PRDM16: variants seen among roughly 807,000 people sequenced by gnomAD.
The protein encoded by PRDM16 is PR/SET domain 16.
Under a neutral mutation model 110.6 loss-of-function variants are expected in PRDM16, and 23 were observed. The observed-to-expected ratio is 0.21, with a 90% CI of 0.15 to 0.29. PRDM16 has a LOEUF of 0.29. PRDM16 is among the 10% of genes least tolerant of loss of function. PRDM16 has a pLI of 1.00. For missense variants in PRDM16, 1,615 were observed against 1,794.3 expected, an observed-to-expected ratio of 0.90 and a Z score of 1.81; for synonymous variants, 799 against 781.8, an observed-to-expected ratio of 1.02 and a Z score of -0.37.
chr1:3,216,082 T>G (rs1639025415), intron 2 of PRDM16, among the ~76,000 whole-genome samples: 1 of 152,088 alleles, frequency 6.6e-6, no homozygotes, highest in Non-Finnish European at 1.5e-5. Flanking sequence ...TGTATGATGC[T>G]CTTTGTCTCT....
At chr1:3,181,347 C>A (rs1260833095) in intron 1 of PRDM16, among the ~76,000 whole-genome samples, 10 of 107,118 alleles carry the variant, frequency 9.3e-5, no homozygotes, top group African/African-American at 4.0e-4. Context: ...GTCTTACACA[C>A]GGTCTTACAC....
intron 2 of PRDM16, among the ~76,000 whole-genome samples, chr1:3,240,547 C>T (rs563624289): frequency 3.2e-4 from 49 of 152,204 alleles, no homozygotes; most frequent in Non-Finnish European, 5.7e-4. Context: ...CAGCCTCCTC[C>T]GCACCGGGCT....
chr1:3,175,498 G>A lies in PRDM16; in HGVS notation c.38-10627G>A, dbSNP rs1439432464. 1.3e-5 allele frequency among the ~76,000 whole-genome samples: 2 copies of A among 152,100 alleles called. No individual in the cohort carries two copies. Among genetic ancestry groups the A allele is most frequent in the African/African-American group, 2.4e-5 (1 of 41,400 alleles). ...CAGGATGGCCCTTCACTGCTCATGG[G>A]GACTCATAGGCACCCAGTTGGGGGA... On this transcript the variant is annotated intron_variant, in intron 1 of 16. Transcript: ENST00000270722. The surrounding 1 kb of genome is among the most constrained non-coding windows in gnomAD (Gnocchi z 4.8).
chr1:3,181,730 G>GGTCTTACACACGCAGTCTTACACACGCA (rs1557510253), intron 1 of PRDM16, among the ~76,000 whole-genome samples: 28 of 119,792 alleles, frequency 2.3e-4, no homozygotes, highest in Admixed American at 6.1e-4. Context: ...TCTTACACAC[G>GGTCTTACACACGCAGTCTTACACACGCA]GTCTTACACA....
At chr1:3,177,754 G>A (rs1399030832) in intron 1 of PRDM16, among the ~76,000 whole-genome samples, 1 of 152,262 alleles carries the variant, frequency 6.6e-6, no homozygotes, top group Admixed American at 6.5e-5. Context: ...TCTTGGAGTT[G>A]TGATGGAGGC....
intron 1 of PRDM16, among the ~76,000 whole-genome samples, chr1:3,139,251 GAAC>G (rs974405400): frequency 1.3e-5 from 2 of 152,188 alleles, no homozygotes; most frequent in African/African-American, 4.8e-5. Context: ...GGGGGTGTTG[GAAC>G]ACGGCACGCA....
rs773659514 is a variant in PRDM16, at chr1:3,157,183, C to G, written c.38-28942C>G. Among the ~76,000 whole-genome samples the G allele has an allele frequency of 6.6e-6, 1 of 152,076 alleles. No individual in the cohort carries two copies. Reference sequence around the variant, plus strand: ...AGGGCGGGACCTGGAGAAGGAGGGCCGCTCGGCAACCGCTGAGCCGGCGCA... The same window carrying G: ...AGGGCGGGACCTGGAGAAGGAGGGCGGCTCGGCAACCGCTGAGCCGGCGCA... On this transcript the variant is annotated intron_variant, in intron 1 of 16. Coordinates refer to ENST00000270722, the MANE Select transcript of PRDM16 (RefSeq NM_022114.4). The surrounding 1 kb of genome is among the most constrained non-coding windows in gnomAD (Gnocchi z 4.8).
At position 3,148,319 on chromosome 1, in the gene PRDM16, G is replaced by C. The variant is rs2100718348; in HGVS notation, c.38-37806G>C. On this transcript the variant is annotated intron_variant, in intron 1 of 16. Transcript: ENST00000270722. This position sits in a 1 kb window ranked among gnomAD's most constrained non-coding sequence, Gnocchi z 5.0. ...AGCAGCCACAGGTGGCCGCCCAGGG[G>C]TTTACTCTAGGGGTGTCCCTCACCA... Among the ~76,000 whole-genome samples the C allele has an allele frequency of 2.0e-5, 3 of 152,226 alleles. No individual in the cohort carries two copies. The South Asian group carries it at 6.2e-4, about 32-fold the overall frequency.
In PRDM16 at chr1:3,438,354, T is replaced by A. The variant is rs1451555903; in HGVS notation, c.*4543T>A. 9.9e-6 allele frequency: 2 copies of A among 202,382 alleles called. No homozygotes were observed. The highest frequency in any genetic ancestry group is 2.3e-5 in the African/African-American group (1 of 43,590). The allele number at this position is 202,382 out of a possible 1,614,324, so 12.5% of individuals were successfully genotyped here. A position where few individuals can be genotyped will look rare whatever the true frequency, so the allele number is the denominator to read the frequency against. ...GACGCGAAAGAGGCGCAGTTCCCAA[T>A]TAATACGGAAATCGCTGTGGGAGAA... On this transcript the variant is annotated 3_prime_UTR_variant, in exon 17 of 17. Coordinates refer to ENST00000270722, the MANE Select transcript of PRDM16 (RefSeq NM_022114.4).
chr1:3,329,912 C>A (rs1642008921), intron 3 of PRDM16, among the ~76,000 whole-genome samples: 1 of 152,254 alleles, frequency 6.6e-6, no homozygotes, highest in Admixed American at 6.5e-5. Flanking sequence ...CGAGTCCCGC[C>A]AGCTGGGAAG....
At chr1:3,221,095 T>G in intron 2 of PRDM16, among the ~76,000 whole-genome samples, 1 of 152,186 alleles carries the variant, frequency 6.6e-6, no homozygotes, top group South Asian at 2.1e-4. Flanking sequence ...GGCCTTGGAA[T>G]TTCAGCTGGC....
chr1:3,323,580 G>C (rs1041379555), intron 3 of PRDM16, among the ~76,000 whole-genome samples: 2 of 152,250 alleles, frequency 1.3e-5, no homozygotes, highest in African/African-American at 4.8e-5. Context: ...GCTGCCGCCA[G>C]TGCCTGCTGG....
intron 3 of PRDM16, among the ~76,000 whole-genome samples, chr1:3,330,182 G>A (rs1261015128): frequency 6.6e-6 from 1 of 152,254 alleles, no homozygotes; most frequent in Non-Finnish European, 1.5e-5. Flanking sequence ...CCTGGCCAGA[G>A]CCGAGCAGCA....
At position 3,164,170 on chromosome 1, in the gene PRDM16, C is replaced by A. The variant is rs1429007821; in HGVS notation, c.38-21955C>A. Among the ~76,000 whole-genome samples the A allele has an allele frequency of 4.6e-5, 7 of 152,350 alleles. No individual in the cohort carries two copies. The East Asian group carries it at 1.3e-3, about 29-fold the overall frequency. ...ACACACCATGCAAACGTCCGGCCAG[C>A]GGCTTAAGTATAAAGCGTGAGAAAC... On this transcript the variant is annotated intron_variant, in intron 1 of 16. Coordinates refer to ENST00000270722, the MANE Select transcript of PRDM16 (RefSeq NM_022114.4).
chr1:3,268,374 C>T (rs763508489), intron 3 of PRDM16, among the ~76,000 whole-genome samples: 1 of 152,206 alleles, frequency 6.6e-6, no homozygotes, highest in East Asian at 1.9e-4. Context: ...TAATGGACTA[C>T]GGGGAGAAAT....
At chr1:3,187,159 A>T (rs900560418) in intron 2 of PRDM16, among the ~76,000 whole-genome samples, 9 of 152,196 alleles carry the variant, frequency 5.9e-5, no homozygotes, top group Non-Finnish European at 1.3e-4. Context: ...GTTGTGAGGG[A>T]CGCTAGGCCC....
At chr1:3,416,349 T>C (rs1638262438) in intron 10 of PRDM16, among the ~76,000 whole-genome samples, 1 of 152,156 alleles carries the variant, frequency 6.6e-6, no homozygotes, top group Non-Finnish European at 1.5e-5. Context: ...CCCAGCCGCG[T>C]GATGGGATAG....
intron 3 of PRDM16, among the ~76,000 whole-genome samples, chr1:3,266,320 G>A (rs957624517): frequency 3.3e-4 from 50 of 152,310 alleles, no homozygotes; most frequent in Admixed American, 3.2e-3. Flanking sequence ...GAGCCGGGCA[G>A]GGGTGGCCCA....
chr1:3,247,558 G>C (rs190043639), intron 3 of PRDM16, among the ~76,000 whole-genome samples: 141 of 152,306 alleles, frequency 9.3e-4, no homozygotes, highest in Non-Finnish European at 1.5e-3. Context: ...CGCAGGGGAC[G>C]GTCCTCCTCC....
Sources: allele counts gnomAD v4.1 joint callset (sites outside exome capture counted in the v4.1 genomes callset), GRCh38; gene constraint gnomAD v4.1.1; non-coding constraint Gnocchi (gnomAD v3.1); transcripts MANE v1.5; gene names NCBI Gene and HGNC (gene_info 2026-07-23, HGNC 2026-07-21).